The following ANKMY1 variants were observed in gnomAD, a reference collection of about 807,000 sequenced individuals.
ANKMY1 encodes ankyrin repeat and MYND domain-containing protein 1.
Under a neutral mutation model 102.0 loss-of-function variants are expected in ANKMY1, and 98 were observed. That is an observed-to-expected ratio of 0.96 (90% CI 0.82 to 1.14). The LOEUF is 1.14. ANKMY1 is among the 50% of genes most tolerant of loss of function. ANKMY1 has a pLI of 0.00. For synonymous variants in ANKMY1, 582 were observed against 559.9 expected (o/e 1.04, Z -0.56); for missense variants, 1,330 against 1,347.6 (o/e 0.99, Z 0.20).
Position 240,520,302 on chromosome 2 carries a change from C to A in ANKMY1, c.2004+60G>T. The A allele has an allele frequency of 6.7e-7, 1 of 1,489,146 alleles. No individual in the cohort carries two copies. Among genetic ancestry groups the A allele is most frequent in the Non-Finnish European group, 9.0e-7 (1 of 1,113,204 alleles). 92.2% of individuals were successfully genotyped at this position (1,489,146 alleles called of 1,614,324 possible). On this transcript the variant is annotated intron_variant, in intron 9 of 17. Transcript: ENST00000401804. This position sits in a 1 kb window ranked among gnomAD's most constrained non-coding sequence, Gnocchi z 4.8. ...GCGCCTAGGTGGAGCGAGGAGCTTC[C>A]CGGCCAGTGCCCGGGAGTCTGCTGC... is the stretch of plus-strand genomic sequence containing the variant.
At position 240,512,916 on chromosome 2, in the gene ANKMY1, G is replaced by A. The variant is rs374308273; in HGVS notation, c.2031C>T (p.Ile677=). ...PQLSTLTPLH[I]AAALPGEEGV... ...CCTCCTCCCCAGGAAGGGCGGCAGC[G>A]ATGTGGAGTGGTGTCAGGGTGCTCA... is the stretch of plus-strand genomic sequence containing the variant. Residue 677 remains isoleucine, a synonymous_variant, in exon 10 of 18, where the codon ATC becomes ATT. Coordinates refer to ENST00000401804, the MANE Select transcript of ANKMY1 (RefSeq NM_001282771.3). 32 of 1,613,842 alleles carry A rather than the reference G, an allele frequency of 2.0e-5. No individual in the cohort carries two copies. Among genetic ancestry groups the A allele is most frequent in the Middle Eastern group, 1.7e-4 (1 of 6,058 alleles).
intron 5 of ANKMY1, chr2:240,527,069 T>C (rs2083633718): frequency 4.3e-6 from 4 of 931,582 alleles, no homozygotes; most frequent in Admixed American, 6.0e-5. Context: ...CATGAGTGAA[T>C]TGATGGATGA....
intron 2 of ANKMY1, 36 bp downstream of exon 2, chr2:240,557,154 C>T: frequency 2.8e-6 from 4 of 1,419,736 alleles, no homozygotes; most frequent in Non-Finnish European, 3.7e-6. Context: ...GGCCCCAGGT[C>T]AGGGTCGGAC....
rs938054703 is a variant in ANKMY1, at chr2:240,523,066, C to G, written c.1832+819G>C. 1.7e-4 allele frequency: 26 copies of G among 152,328 alleles called. 1 individual carries two copies. Among genetic ancestry groups the G allele is most frequent in the African/African-American group, 6.3e-4 (26 of 41,568 alleles). The allele number at this position is 152,328 out of a possible 1,614,324, so 9.4% of individuals were successfully genotyped here. A position where few individuals can be genotyped will look rare whatever the true frequency, so the allele number is the denominator to read the frequency against. On this transcript the variant is annotated intron_variant, in intron 8 of 17. Transcript: ENST00000401804. ...TGCTACTCTGGCCCTGGGGGAAGCG[C>G]TTCTTGCGGGGAAGCGGTGTGCCTT...
intron 4 of ANKMY1, among the ~76,000 whole-genome samples, chr2:240,541,737 C>T (rs1015831515): frequency 2.0e-5 from 3 of 151,816 alleles, no homozygotes; most frequent in Non-Finnish European, 2.9e-5. Flanking sequence ...CTCCTGACCT[C>T]GTGATCCACC....
At chr2:240,494,597 T>C (rs1414989560) in intron 15 of ANKMY1, among the ~76,000 whole-genome samples, 1 of 152,156 alleles carries the variant, frequency 6.6e-6, no homozygotes, top group Non-Finnish European at 1.5e-5. Context: ...CAGGACAGCA[T>C]GTAGTTTTCC....
At chr2:240,536,586 G>A (rs1194769863) in intron 4 of ANKMY1, among the ~76,000 whole-genome samples, 1 of 152,132 alleles carries the variant, frequency 6.6e-6, no homozygotes, top group African/African-American at 2.4e-5. Flanking sequence ...TCAAACCCTT[G>A]AAGCAACAGA....
upstream of ANKMY1, among the ~76,000 whole-genome samples, chr2:240,559,834 CAGAG>C (rs978631770): frequency 1.3e-5 from 2 of 152,174 alleles, no homozygotes; most frequent in African/African-American, 4.8e-5. Flanking sequence ...GACGATAACC[CAGAG>C]AGAGACTGTA....
At chr2:240,510,025 C>A (rs943170876) in intron 11 of ANKMY1, among the ~76,000 whole-genome samples, 1 of 148,006 alleles carries the variant, frequency 6.8e-6, no homozygotes, top group African/African-American at 2.5e-5. Flanking sequence ...TCCCCCGTCC[C>A]TGTCCTCCCT....
At chr2:240,527,953 G>T (rs1348974699) in intron 5 of ANKMY1, 4 of 152,194 alleles carry the variant, frequency 2.6e-5, no homozygotes. Context: ...TCAATATTTA[G>T]GAAAGGAATT....
chr2:240,559,704 A>G (rs897566364), upstream of ANKMY1, among the ~76,000 whole-genome samples: 3 of 152,252 alleles, frequency 2.0e-5, no homozygotes, highest in Non-Finnish European at 4.4e-5. Context: ...TGATGTCTGG[A>G]GCTGCAACCA....
At chr2:240,531,827 C>T (rs904794068) in intron 4 of ANKMY1, among the ~76,000 whole-genome samples, 11 of 152,138 alleles carry the variant, frequency 7.2e-5, no homozygotes, top group Admixed American at 2.0e-4. Flanking sequence ...TGACTATATG[C>T]ATTTGCTCAA....
In ANKMY1 at chr2:240,523,898, G is replaced by C. The variant is rs2082819776; in HGVS notation, c.1819C>G (p.Leu607Val). The C allele has an allele frequency of 6.2e-7, 1 of 1,613,066 alleles. No homozygotes were observed. Among genetic ancestry groups the C allele is most frequent in the South Asian group, 1.1e-5 (1 of 91,084 alleles). Residue 607 changes from leucine to valine, a missense_variant, in exon 8 of 18, where the codon CTG (leucine) becomes GTG (valine). Leu to Val is a conservative substitution (Grantham distance 32). Coordinates refer to ENST00000401804, the MANE Select transcript of ANKMY1 (RefSeq NM_001282771.3). ...FDKGTMRRMA[L>V]SMIERRKRWR... ...GCCAGGACCTACTCGATCATGGACA[G>C]CGCCATCCTCCGCATGGTCCCTTTG...
intron 15 of ANKMY1, among the ~76,000 whole-genome samples, chr2:240,491,872 T>C (rs1366269670): frequency 1.3e-5 from 2 of 152,198 alleles, no homozygotes; most frequent in African/African-American, 4.8e-5. Context: ...CTGAGTATAA[T>C]GTGCCATGCA....
At chr2:240,515,306 G>A (rs1157193056) in intron 9 of ANKMY1, among the ~76,000 whole-genome samples, 4 of 152,160 alleles carry the variant, frequency 2.6e-5, no homozygotes, top group Admixed American at 6.5e-5. Context: ...GGAGGCCAAG[G>A]TGGGCGGATC....
intron 4 of ANKMY1, among the ~76,000 whole-genome samples, chr2:240,550,617 A>G (rs2091343284): frequency 6.6e-6 from 1 of 152,176 alleles, no homozygotes; most frequent in South Asian, 2.1e-4. Flanking sequence ...CAAGAAAGAC[A>G]TATTAGGCTT....
At chr2:240,469,639 C>T in the ANKMY1 span, among the ~76,000 whole-genome samples, 2 of 151,900 alleles carry the variant, frequency 1.3e-5, no homozygotes, top group Non-Finnish European at 2.9e-5. Context: ...ACCCATCACA[C>T]GGTGCACACA....
At chr2:240,508,119 A>G (rs1449085816) in intron 12 of ANKMY1, among the ~76,000 whole-genome samples, 1 of 152,258 alleles carries the variant, frequency 6.6e-6, no homozygotes, top group Non-Finnish European at 1.5e-5. Context: ...CCGGGGCACC[A>G]GTGTCAATGT....
chr2:240,528,520 C>A (rs2084433724), intron 5 of ANKMY1, among the ~76,000 whole-genome samples: 1 of 152,152 alleles, frequency 6.6e-6, no homozygotes, highest in South Asian at 2.1e-4. Flanking sequence ...TAACAACAAA[C>A]CCTGCTCTCC....
Sources: allele counts gnomAD v4.1 joint callset (sites outside exome capture counted in the v4.1 genomes callset), GRCh38; gene constraint gnomAD v4.1.1; non-coding constraint Gnocchi (gnomAD v3.1); transcripts MANE v1.5; gene names NCBI Gene and HGNC (gene_info 2026-07-23, HGNC 2026-07-21).